Variants in ANXA8 observed in about 807,000 individuals in gnomAD.
ANXA8 encodes the protein VAC-beta.
In ANXA8, 9 loss-of-function variants were observed where a neutral mutation model predicts 26.8. That is an observed-to-expected ratio of 0.34 (90% CI 0.20 to 0.59). The LOEUF (loss-of-function observed/expected upper bound fraction) is 0.59, where lower values mean the gene tolerates loss of function less well. Among genes scored for constraint, ANXA8 ranks in the 20% least tolerant of loss-of-function variants. The probability of loss-of-function intolerance (pLI) is 0.84; values close to 1 mark genes in which losing one functional copy is unlikely to be tolerated. For missense variants in ANXA8, 83 were observed against 238.5 expected, an observed-to-expected ratio of 0.35 and a Z score of 4.29; for synonymous variants, 39 against 94.8, an observed-to-expected ratio of 0.41 and a Z score of 3.42.
the ANXA8 span, chr10:47,503,024 T>C: frequency 6.2e-7 from 1 of 1,607,626 alleles, no homozygotes; most frequent in Non-Finnish European, 8.5e-7. Flanking sequence ...CCCAGCCCGG[T>C]GTCCATGTCC....
chr10:47,710,206 G>GT, the ANXA8 span: 190 of 1,428,694 alleles, frequency 1.3e-4, no homozygotes, highest in South Asian at 3.5e-4. Flanking sequence ...CTGTATGCAT[G>GT]TTTTTTTTCC....
chr10:47,675,387 T>C, the ANXA8 span, among the ~76,000 whole-genome samples: 1 of 150,998 alleles, frequency 6.6e-6, no homozygotes, highest in South Asian at 2.1e-4. Flanking sequence ...TCTACTCTAG[T>C]ATACATGTAA....
chr10:47,907,190 C>T, the ANXA8 span, among the ~76,000 whole-genome samples: 2 of 151,412 alleles, frequency 1.3e-5, no homozygotes, highest in East Asian at 2.0e-4. Flanking sequence ...CCCGTCTCTA[C>T]TAAAAATACA....
the ANXA8 span, among the ~76,000 whole-genome samples, chr10:47,971,307 TGAAG>T: frequency 1.3e-5 from 2 of 151,100 alleles, no homozygotes; most frequent in African/African-American, 2.4e-5. Context: ...CTTGTATCAG[TGAAG>T]GAAGGGGAGA....
the ANXA8 span, among the ~76,000 whole-genome samples, chr10:47,687,368 G>T: frequency 6.6e-6 from 1 of 151,264 alleles, no homozygotes; most frequent in Non-Finnish European, 1.5e-5. Context: ...GGGTTCAAGC[G>T]ATTCTCCTGC....
the ANXA8 span, among the ~76,000 whole-genome samples, chr10:47,528,255 A>AT: frequency 7.0e-6 from 1 of 142,318 alleles, no homozygotes; most frequent in Admixed American, 7.2e-5. Context: ...AATTTTTTGT[A>AT]TTTTTAGTAA....
the ANXA8 span, among the ~76,000 whole-genome samples, chr10:47,733,183 T>TTCTTTCTTTCTTTCTCTCTCTCTC: frequency 1.1e-5 from 1 of 86,960 alleles, no homozygotes; most frequent in Non-Finnish European, 2.9e-5. Context: ...CTTTCTTTCT[T>TTCTTTCTTTCTTTCTCTCTCTCTC]TCTTTCTTTC....
chr10:47,528,466 A>G, the ANXA8 span, among the ~76,000 whole-genome samples: 1 of 140,446 alleles, frequency 7.1e-6, no homozygotes, highest in African/African-American at 2.6e-5. Flanking sequence ...AACTAAAAAA[A>G]GCCTGATACA....
At chr10:47,605,655 A>C in the ANXA8 span, among the ~76,000 whole-genome samples, 1 of 148,946 alleles carries the variant, frequency 6.7e-6, no homozygotes, top group Middle Eastern at 3.4e-3. Flanking sequence ...AAAATATATC[A>C]AAGAGAAAGA....
chr10:47,901,181 C>T, the ANXA8 span, among the ~76,000 whole-genome samples: 1 of 117,938 alleles, frequency 8.5e-6, no homozygotes, highest in East Asian at 2.3e-4. Flanking sequence ...GGATCTTTTG[C>T]TGCAAGTCAT....
the ANXA8 span, among the ~76,000 whole-genome samples, chr10:47,946,247 G>T: frequency 6.7e-6 from 1 of 148,640 alleles, no homozygotes; most frequent in African/African-American, 2.5e-5. Context: ...AGTAAAATCT[G>T]CTGTAATAAA....
chr10:47,951,115 T>G, the ANXA8 span, among the ~76,000 whole-genome samples: 7 of 149,764 alleles, frequency 4.7e-5, no homozygotes, highest in Admixed American at 1.3e-4. Flanking sequence ...GGAATAAAAA[T>G]TACAGACTAT....
the ANXA8 span, among the ~76,000 whole-genome samples, chr10:47,951,547 C>T: frequency 1.5e-4 from 22 of 150,634 alleles, 1 homozygote; most frequent in African/African-American, 2.2e-4. Context: ...ACCATGCTCA[C>T]GCCTGTAATC....
At chr10:47,568,057 C>G in the ANXA8 span, 87 of 672,974 alleles carry the variant, frequency 1.3e-4, no homozygotes, top group African/African-American at 1.3e-3. Flanking sequence ...TTTTTTGACA[C>G]AGAGTCTTGC....
At chr10:47,904,365 A>T in the ANXA8 span, among the ~76,000 whole-genome samples, 1 of 113,938 alleles carries the variant, frequency 8.8e-6, no homozygotes, top group Non-Finnish European at 1.8e-5. Flanking sequence ...TTATTTTACC[A>T]GTAATCTTTA....
At chr10:47,673,473 C>A in the ANXA8 span, among the ~76,000 whole-genome samples, 1 of 148,842 alleles carries the variant, frequency 6.7e-6, no homozygotes, top group Non-Finnish European at 1.5e-5. Context: ...TGCTCTAATT[C>A]ATTTCAGGCC....
chr10:47,513,069 G>A, the ANXA8 span, among the ~76,000 whole-genome samples: 2 of 139,468 alleles, frequency 1.4e-5, no homozygotes, highest in Non-Finnish European at 3.1e-5. Context: ...GTCTTGCTCT[G>A]TTGCCCAGGC....
chr10:47,687,189 ATC>A, the ANXA8 span, among the ~76,000 whole-genome samples: 1 of 151,868 alleles, frequency 6.6e-6, no homozygotes, highest in Non-Finnish European at 1.5e-5. Flanking sequence ...AAAGCCAAAG[ATC>A]TGATGGAGGA....
chr10:47,690,378 G>T, the ANXA8 span: 7 of 1,571,960 alleles, frequency 4.5e-6, no homozygotes, highest in Middle Eastern at 4.6e-4. Context: ...GTCAAGGTCT[G>T]AAGCAGCAGT....
Sources: gnomAD v4.1 joint callset for allele counts (sites outside exome capture counted in the v4.1 genomes callset) on GRCh38, gnomAD v4.1.1 for gene constraint, MANE v1.5 for transcripts, NCBI Gene and HGNC (gene_info 2026-07-23, HGNC 2026-07-21) for gene names.